The following AUTS2 variants were observed in gnomAD, a reference collection of about 807,000 sequenced individuals.
AUTS2 encodes activator of transcription and developmental regulator AUTS2, also known as autism susceptibility gene 2 protein.
A neutral mutation model predicts 112.4 loss-of-function variants in AUTS2; 17 were observed. The observed-to-expected ratio is 0.15, with a 90% CI of 0.10 to 0.23. AUTS2 has a LOEUF of 0.23. AUTS2 is among the 10% of genes least tolerant of loss of function. The pLI is 1.00. For synonymous variants in AUTS2, 751 were observed against 702.7 expected (o/e 1.07, Z -1.09); for missense variants, 1,510 against 1,701.6 (o/e 0.89, Z 1.98).
chr7:70,314,109 T>G (rs1424315010), intron 4 of AUTS2, among the ~76,000 whole-genome samples: 1 of 152,232 alleles, frequency 6.6e-6, no homozygotes, highest in Non-Finnish European at 1.5e-5. Context: ...CTCATTAGGA[T>G]GTAGCCCCTT....
At chr7:70,452,271 T>G (rs1796565816) in intron 5 of AUTS2, among the ~76,000 whole-genome samples, 1 of 151,852 alleles carries the variant, frequency 6.6e-6, no homozygotes, top group Non-Finnish European at 1.5e-5. Context: ...CCAACCTGAG[T>G]AACATGGTGA....
intron 5 of AUTS2, among the ~76,000 whole-genome samples, chr7:70,514,815 A>G (rs1027475241): frequency 2.0e-5 from 3 of 152,220 alleles, no homozygotes; most frequent in Non-Finnish European, 4.4e-5. Flanking sequence ...TTGACTGTCA[A>G]CAGACATTTT....
chr7:70,206,372 G>T (rs919737051), intron 4 of AUTS2, among the ~76,000 whole-genome samples: 28 of 150,288 alleles, frequency 1.9e-4, no homozygotes, highest in Admixed American at 1.7e-3. Context: ...TCTGTTTTTT[G>T]TTTTTTTTTC....
In AUTS2 at chr7:70,762,908, A is replaced by T; in HGVS notation, c.781A>T (p.Ser261Cys). 6.2e-7 allele frequency: 1 copy of T among 1,614,098 alleles called. No individual in the cohort carries two copies. The highest frequency in any genetic ancestry group is 8.5e-7 in the Non-Finnish European group (1 of 1,179,990). The change falls in exon 7 of 19, where the codon AGC becomes TGC. Residue 261 changes from serine to cysteine, a missense_variant. Ser to Cys is a moderately radical substitution (Grantham distance 112, BLOSUM62 -1). This residue lies in a region of AUTS2 where 535 missense variants were observed against 594.3 expected (regional missense o/e 0.90). Coordinates refer to ENST00000342771, the MANE Select transcript of AUTS2 (RefSeq NM_015570.4). ...TGTTGGCACGCTACCAGAACATGAC[A>T]GCCAGGATGCAGGGCCGATTGTCCC... is the stretch of plus-strand genomic sequence containing the variant. ...LGVGTLPEHDSQDAGPIVPKI... is the reference protein window; with the variant it reads ...LGVGTLPEHDCQDAGPIVPKI...
chr7:70,381,682 G>C (rs1793373526), intron 4 of AUTS2, among the ~76,000 whole-genome samples: 1 of 152,014 alleles, frequency 6.6e-6, no homozygotes, highest in Non-Finnish European at 1.5e-5. Flanking sequence ...GAAAATTTTA[G>C]AAAATTTTCC....
chr7:69,793,500 C>T (rs538434264), intron 1 of AUTS2, among the ~76,000 whole-genome samples: 12 of 152,146 alleles, frequency 7.9e-5, no homozygotes, highest in African/African-American at 2.9e-4. Flanking sequence ...GTGACATGAT[C>T]GTGTCTTTGA....
At chr7:70,224,411 A>G (rs1173510322) in intron 4 of AUTS2, among the ~76,000 whole-genome samples, 1 of 151,198 alleles carries the variant, frequency 6.6e-6, no homozygotes, top group Non-Finnish European at 1.5e-5. Context: ...ATATAATACC[A>G]TACAATACAA....
chr7:69,894,977 A>G (rs1002851245), intron 1 of AUTS2, among the ~76,000 whole-genome samples: 6 of 152,166 alleles, frequency 3.9e-5, no homozygotes, highest in Admixed American at 2.6e-4. Context: ...CCATTCATTG[A>G]TCCCAAAAAG....
At chr7:70,301,157 C>T (rs7792775) in intron 4 of AUTS2, among the ~76,000 whole-genome samples, 45,822 of 151,952 alleles carry the variant, frequency 0.3, 7,175 homozygotes, top group African/African-American at 0.38. Context: ...ATTTTATTTG[C>T]GTGCATAGTG....
At chr7:70,547,027 A>G (rs1031668046) in intron 5 of AUTS2, among the ~76,000 whole-genome samples, 5 of 152,130 alleles carry the variant, frequency 3.3e-5, no homozygotes, top group African/African-American at 1.2e-4. Context: ...CGTAATATTC[A>G]CCCGTACTAA....
chr7:69,754,018 G>A (rs4718906), intron 1 of AUTS2, among the ~76,000 whole-genome samples: 76,484 of 152,014 alleles, frequency 0.5, 19,377 homozygotes, highest in East Asian at 0.69. Flanking sequence ...ACATCCCCTC[G>A]AAGTGACCTT....
chr7:69,779,607 C>T (rs958554439), intron 1 of AUTS2, among the ~76,000 whole-genome samples: 1 of 151,568 alleles, frequency 6.6e-6, no homozygotes, highest in African/African-American at 2.4e-5. Flanking sequence ...ACTAAAAATA[C>T]AAAAATATAG....
chr7:69,855,101 C>T (rs551415789), intron 1 of AUTS2, among the ~76,000 whole-genome samples: 2 of 152,270 alleles, frequency 1.3e-5, no homozygotes, highest in South Asian at 2.1e-4. Context: ...TTACCCCTTA[C>T]GCTGAATGCT....
rs555932373 is a variant in AUTS2, at chr7:70,744,027, A to G, written c.743-18843A>G. Among the ~76,000 whole-genome samples the G allele has an allele frequency of 4.7e-5, 7 of 147,724 alleles. No individual in the cohort carries two copies. In the East Asian group the frequency reaches 1.4e-3, roughly 29 times the overall value. On this transcript the variant is annotated intron_variant, in intron 6 of 18. Coordinates refer to ENST00000342771, the MANE Select transcript of AUTS2 (RefSeq NM_015570.4). ...TTTTGTAAGAGAGGCTATCCAACTC[A>G]TGTATTTCCAGCCCCGAGTGTTGGC...
At chr7:70,342,599 G>A (rs957674546) in intron 4 of AUTS2, among the ~76,000 whole-genome samples, 1 of 152,036 alleles carries the variant, frequency 6.6e-6, no homozygotes, top group South Asian at 2.1e-4. Flanking sequence ...AGACTAAGGA[G>A]CTAAATTTTA....
At chr7:69,833,220 AC>A (rs554030083) in intron 1 of AUTS2, among the ~76,000 whole-genome samples, 73 of 152,228 alleles carry the variant, frequency 4.8e-4, no homozygotes, top group African/African-American at 1.6e-3. Flanking sequence ...TCCGGGAACC[AC>A]CCATTAAGAA....
At chr7:70,384,709 C>T (rs1793530101) in intron 4 of AUTS2, among the ~76,000 whole-genome samples, 1 of 152,176 alleles carries the variant, frequency 6.6e-6, no homozygotes, top group Non-Finnish European at 1.5e-5. Flanking sequence ...AATGTCAGAG[C>T]CTCTTTCTTC....
At position 70,579,244 on chromosome 7, in the gene AUTS2, T is replaced by TAAAAAAAAAAAAAAAAAAAAAAAA. The variant is rs10611601; in HGVS notation, c.691-119307_691-119306insAAAAAAAAAAAAAAAAAAAAAAAA. Among the ~76,000 whole-genome samples the TAAAAAAAAAAAAAAAAAAAAAAAA allele has an allele frequency of 6.6e-3, 368 of 55,772 alleles. 46 individuals are homozygous for TAAAAAAAAAAAAAAAAAAAAAAAA. The highest frequency in any genetic ancestry group is 8.9e-3 in the Non-Finnish European group (264 of 29,830). The allele number at this position is 55,772 out of a possible 152,430, so 36.6% of individuals were successfully genotyped here. A position where few individuals can be genotyped will look rare whatever the true frequency, so the allele number is the denominator to read the frequency against. ...ATGCCCAGCCTTATATTCTCTTTTC[T>TAAAAAAAAAAAAAAAAAAAAAAAA]AAAAAAAAAAAAAAAAAAGATGAAG... On this transcript the variant is annotated intron_variant, in intron 5 of 18. Coordinates refer to ENST00000342771, the MANE Select transcript of AUTS2 (RefSeq NM_015570.4).
At chr7:70,417,331 C>T (rs1436857422) in intron 4 of AUTS2, among the ~76,000 whole-genome samples, 1 of 152,204 alleles carries the variant, frequency 6.6e-6, no homozygotes, top group African/African-American at 2.4e-5. Flanking sequence ...TCAGGGCGCT[C>T]AGCTCTTAGA....
Sources: allele counts gnomAD v4.1 joint callset (sites outside exome capture counted in the v4.1 genomes callset), GRCh38; gene constraint gnomAD v4.1.1; regional missense constraint gnomAD v4.1.1; transcripts MANE v1.5; gene names NCBI Gene and HGNC (gene_info 2026-07-23, HGNC 2026-07-21).